The following CDH13 variants were observed in gnomAD, a reference collection of about 807,000 sequenced individuals.
The protein encoded by CDH13 is cadherin 13, also known as cadherin-13.
CDH13 carries 24 observed loss-of-function variants against 63.8 expected under a neutral mutation model. The observed-to-expected ratio is 0.38, with a 90% CI of 0.27 to 0.53. CDH13 has a LOEUF of 0.53. CDH13 is among the 20% of genes least tolerant of loss of function. The pLI is 0.85. For missense variants in CDH13, 1,049 were observed against 903.1 expected, an observed-to-expected ratio of 1.16 and a Z score of -2.07; for synonymous variants, 503 against 355.3, an observed-to-expected ratio of 1.42 and a Z score of -4.67.
chr16:83,636,918 T>C (rs1269233499), intron 8 of CDH13, among the ~76,000 whole-genome samples: 1 of 152,198 alleles, frequency 6.6e-6, no homozygotes, highest in Admixed American at 6.5e-5. Context: ...TCTACCAACA[T>C]CTGTAATTTT....
chr16:83,527,524 AG>A (rs2074992524), intron 7 of CDH13, among the ~76,000 whole-genome samples: 1 of 152,210 alleles, frequency 6.6e-6, no homozygotes, highest in African/African-American at 2.4e-5. Context: ...ACCGCAGCAC[AG>A]GGAGAGAAAA....
At chr16:83,184,062 C>T (rs1311988054) in intron 4 of CDH13, among the ~76,000 whole-genome samples, 2 of 148,668 alleles carry the variant, frequency 1.3e-5, no homozygotes, top group African/African-American at 5.0e-5. Flanking sequence ...TGCCATTGGT[C>T]AGCCATCTCA....
intron 4 of CDH13, among the ~76,000 whole-genome samples, chr16:83,126,154 C>A (rs115700398): frequency 6.6e-6 from 1 of 152,140 alleles, no homozygotes; most frequent in Admixed American, 6.5e-5. Context: ...TGCTCAGTGC[C>A]GCAAAGGAGA....
At chr16:83,324,330 CGGCCTCTGCAGTCA>C (rs2151897510) in intron 5 of CDH13, among the ~76,000 whole-genome samples, 2 of 152,104 alleles carry the variant, frequency 1.3e-5, no homozygotes, top group Admixed American at 1.3e-4. Flanking sequence ...CCACTGCTCC[CGGCCTCTGCAGTCA>C]GTTTTAGAAC....
At chr16:83,486,742 T>G (rs1011689527) in intron 7 of CDH13, 87 bp downstream of exon 7, 1 of 1,250,348 alleles carries the variant, frequency 8.0e-7, no homozygotes, top group Non-Finnish European at 1.2e-6. Flanking sequence ...AGTCAGTGGT[T>G]TTTTTTAATA....
chr16:83,323,048 C>G (rs1310191143), intron 5 of CDH13, among the ~76,000 whole-genome samples: 1 of 152,020 alleles, frequency 6.6e-6, no homozygotes, highest in African/African-American at 2.4e-5. Context: ...GTTACTCTTG[C>G]TATCGTGCAA....
At chr16:82,932,245 A>G (rs527857963) in intron 2 of CDH13, among the ~76,000 whole-genome samples, 6 of 152,316 alleles carry the variant, frequency 3.9e-5, no homozygotes, top group African/African-American at 1.4e-4. Context: ...ATTGACACAC[A>G]CTTATTCTAA....
At chr16:82,937,910 A>G (rs556211481) in intron 2 of CDH13, among the ~76,000 whole-genome samples, 24 of 152,362 alleles carry the variant, frequency 1.6e-4, no homozygotes, top group African/African-American at 4.8e-4. Flanking sequence ...TTAAAGACGT[A>G]TAATATAAAA....
rs140828912 is a variant in CDH13, at chr16:82,725,332, T to C, written c.45+98195T>C. Among the ~76,000 whole-genome samples, 5 of 152,304 alleles carry C rather than the reference T, an allele frequency of 3.3e-5. No homozygotes were observed. In the East Asian group the frequency reaches 9.6e-4, roughly 29 times the overall value. On this transcript the variant is annotated intron_variant, in intron 1 of 13. Transcript: ENST00000567109. ...CAGGTTTGTGGCCTTGGGCAGAGCA[T>C]AAAAGATGTCTTGGCTTATTGTTCT...
chr16:82,714,274 G>A (rs2032186308), intron 1 of CDH13, among the ~76,000 whole-genome samples: 1 of 152,176 alleles, frequency 6.6e-6, no homozygotes, highest in Non-Finnish European at 1.5e-5. Flanking sequence ...GTATTGAATT[G>A]TGTTCCCCCA....
chr16:83,742,252 A>C (rs1567565558), intron 10 of CDH13, among the ~76,000 whole-genome samples: 1 of 152,074 alleles, frequency 6.6e-6, no homozygotes, highest in African/African-American at 2.4e-5. Flanking sequence ...CCCGCCTTCC[A>C]GGGTGGCGCA....
At chr16:82,882,223 T>A (rs758520496) in intron 2 of CDH13, among the ~76,000 whole-genome samples, 3 of 152,200 alleles carry the variant, frequency 2.0e-5, no homozygotes, top group Admixed American at 1.3e-4. Context: ...GATATTAACA[T>A]AATAATAAGC....
chr16:83,562,538 A>G lies in CDH13; in HGVS notation c.961-39916A>G, dbSNP rs190330173. On this transcript the variant is annotated intron_variant, in intron 7 of 13. Coordinates refer to ENST00000567109, the MANE Select transcript of CDH13 (RefSeq NM_001257.5). ...GATTGGTAATCACACATAAATCTGC[A>G]TGAGTAAGAAGAGACCCATGAAAAT... 2.6e-5 allele frequency among the ~76,000 whole-genome samples: 4 copies of G among 152,356 alleles called. No individual in the cohort carries two copies. The East Asian group carries it at 5.8e-4, about 22-fold the overall frequency.
intron 2 of CDH13, among the ~76,000 whole-genome samples, chr16:82,879,635 T>C (rs1038321558): frequency 6.4e-5 from 9 of 140,450 alleles, no homozygotes; most frequent in African/African-American, 2.3e-4. Flanking sequence ...AAAATATCTA[T>C]TATATGTTAC....
At chr16:83,740,402 C>T (rs188667888) in intron 10 of CDH13, among the ~76,000 whole-genome samples, 1 of 151,962 alleles carries the variant, frequency 6.6e-6, no homozygotes, top group Non-Finnish European at 1.5e-5. Flanking sequence ...AAAAGACGAT[C>T]CCTAGTCGTC....
At chr16:83,094,410 G>A (rs779335229) in intron 3 of CDH13, among the ~76,000 whole-genome samples, 10 of 152,172 alleles carry the variant, frequency 6.6e-5, no homozygotes, top group Non-Finnish European at 1.0e-4. Context: ...GCTGTGGTAC[G>A]CTTACAACAG....
chr16:83,302,007 C>T (rs1405043652), intron 5 of CDH13, among the ~76,000 whole-genome samples: 1 of 151,630 alleles, frequency 6.6e-6, no homozygotes, highest in African/African-American at 2.4e-5. Context: ...GTAAAACTTG[C>T]TAGGGTTAAA....
At chr16:83,300,185 C>T (rs540433038) in intron 5 of CDH13, among the ~76,000 whole-genome samples, 3 of 152,310 alleles carry the variant, frequency 2.0e-5, no homozygotes, top group African/African-American at 7.2e-5. Context: ...GCTCATAGAG[C>T]TGATAGACAG....
chr16:83,058,096 TA>T (rs1388430587), intron 3 of CDH13, among the ~76,000 whole-genome samples: 1 of 152,222 alleles, frequency 6.6e-6, no homozygotes, highest in Admixed American at 6.5e-5. Context: ...CTTAAAAATA[TA>T]AATCGTTAAA....
Sources: allele counts gnomAD v4.1 joint callset (sites outside exome capture counted in the v4.1 genomes callset), GRCh38; gene constraint gnomAD v4.1.1; transcripts MANE v1.5; gene names NCBI Gene and HGNC (gene_info 2026-07-23, HGNC 2026-07-21).